KLHL4: variants seen among roughly 807,000 people sequenced by gnomAD.
The protein encoded by KLHL4 is kelch-like protein 4.
In KLHL4, 17 loss-of-function variants were observed where a neutral mutation model predicts 45.8. That is an observed-to-expected ratio of 0.37 (90% confidence interval 0.25 to 0.56). KLHL4 has a LOEUF of 0.56. KLHL4 is among the 20% of genes least tolerant of loss of function. The pLI is 0.79. For synonymous variants in KLHL4, 224 were observed against 189.9 expected (o/e 1.18, Z -1.47); for missense variants, 544 against 544.9 (o/e 1.00, Z 0.02).
chrX:87,615,668 T>C (rs913457366), intron 3 of KLHL4, among the ~76,000 whole-genome samples: 1 of 111,404 alleles, frequency 9.0e-6, no homozygotes, highest in African/African-American at 3.2e-5. Context: ...GAAGTAGTAA[T>C]AGATACTACA....
intron 1 of KLHL4, among the ~76,000 whole-genome samples, chrX:87,592,339 T>C (rs1014162796): frequency 8.9e-6 from 1 of 111,946 alleles, no homozygotes; most frequent in African/African-American, 3.2e-5. Context: ...CAGATATCTC[T>C]TCGATGTACT....
intron 9 of KLHL4, among the ~76,000 whole-genome samples, chrX:87,645,109 A>G (rs962929602): frequency 2.7e-5 from 3 of 112,176 alleles, no homozygotes; most frequent in Non-Finnish European, 5.6e-5. Flanking sequence ...CAGAGTAAAC[A>G]GACAACCCAC....
chrX:87,543,067 C>G (rs1392327766), intron 1 of KLHL4, among the ~76,000 whole-genome samples: 1 of 111,054 alleles, frequency 9.0e-6, no homozygotes. Context: ...CATTCTCTCT[C>G]TCTCCTGCTG....
At chrX:87,520,166 C>T (rs1930972859) in intron 1 of KLHL4, among the ~76,000 whole-genome samples, 1 of 112,029 alleles carries the variant, frequency 8.9e-6, no homozygotes, top group South Asian at 3.7e-4. Context: ...TGGTTTATTA[C>T]CTTCTCCTTA....
At chrX:87,529,075 A>G (rs1398460165) in intron 1 of KLHL4, among the ~76,000 whole-genome samples, 1 of 108,916 alleles carries the variant, frequency 9.2e-6, no homozygotes, top group African/African-American at 3.3e-5. Flanking sequence ...AAAAAAAAAA[A>G]CCATTGTCTT....
At chrX:87,577,237 C>T (rs931239856) in intron 1 of KLHL4, among the ~76,000 whole-genome samples, 3 of 111,632 alleles carry the variant, frequency 2.7e-5, no homozygotes, top group African/African-American at 9.8e-5. Flanking sequence ...GGAGCATACA[C>T]GCCGGTGGCA....
chrX:87,526,940 C>G (rs752603788), intron 1 of KLHL4, among the ~76,000 whole-genome samples: 2 of 111,645 alleles, frequency 1.8e-5, no homozygotes, highest in East Asian at 2.8e-4. Flanking sequence ...GTTCCATTCA[C>G]TTTCCTCAGG....
intron 1 of KLHL4, among the ~76,000 whole-genome samples, chrX:87,519,088 T>C (rs1157250625): frequency 1.8e-5 from 2 of 111,991 alleles, no homozygotes; most frequent in Non-Finnish European, 3.8e-5. Context: ...TTACATTCTG[T>C]TCTCTAATAC....
intron 4 of KLHL4, among the ~76,000 whole-genome samples, chrX:87,620,971 C>G (rs1426192127): frequency 8.9e-6 from 1 of 112,583 alleles, no homozygotes; most frequent in Non-Finnish European, 1.9e-5. Flanking sequence ...ACAGTAAGAA[C>G]AGCAGTTCTC....
chrX:87,637,545 A>G (rs1369191640), intron 9 of KLHL4, among the ~76,000 whole-genome samples: 4 of 111,924 alleles, frequency 3.6e-5, no homozygotes, highest in African/African-American at 1.3e-4. Flanking sequence ...TCAAGGAGGT[A>G]CGGGAGAATG....
intron 1 of KLHL4, among the ~76,000 whole-genome samples, chrX:87,605,148 C>T (rs1922150300): frequency 9.0e-6 from 1 of 111,551 alleles, no homozygotes; most frequent in South Asian, 3.7e-4. Flanking sequence ...CAATATCATA[C>T]TTTGTTGATT....
chrX:87,600,356 C>T (rs776102916), intron 1 of KLHL4, among the ~76,000 whole-genome samples: 59 of 110,585 alleles, frequency 5.3e-4, no homozygotes, highest in African/African-American at 1.9e-3. Flanking sequence ...TGGTGGCGGG[C>T]ACCTGTAGTC....
At chrX:87,602,051 A>G (rs1207442873) in intron 1 of KLHL4, among the ~76,000 whole-genome samples, 4 of 111,284 alleles carry the variant, frequency 3.6e-5, no homozygotes, top group Non-Finnish European at 7.5e-5. Flanking sequence ...TAAAATTAAA[A>G]ATTATTAAAA....
chrX:87,641,893 C>T (rs1362216137), intron 9 of KLHL4, among the ~76,000 whole-genome samples: 1 of 110,187 alleles, frequency 9.1e-6, no homozygotes, highest in Non-Finnish European at 1.9e-5. Context: ...CAAGACCCAC[C>T]CAAGGAATGT....
At chrX:87,652,410 T>C (rs1302491330) in intron 9 of KLHL4, among the ~76,000 whole-genome samples, 2 of 112,608 alleles carry the variant, frequency 1.8e-5, no homozygotes, top group Admixed American at 9.4e-5. Context: ...TTTTATGCTC[T>C]GCTTCCCTTA....
At chrX:87,601,794 G>C (rs779916990) in intron 1 of KLHL4, among the ~76,000 whole-genome samples, 1 of 111,376 alleles carries the variant, frequency 9.0e-6, no homozygotes, top group African/African-American at 3.3e-5. Flanking sequence ...TTTCATAGCA[G>C]TTCATATGCT....
intron 3 of KLHL4, among the ~76,000 whole-genome samples, chrX:87,616,984 T>C (rs752605821): frequency 8.9e-6 from 1 of 111,741 alleles, no homozygotes; most frequent in African/African-American, 3.2e-5. Flanking sequence ...AGGGAAAACT[T>C]TAGGGGAATA....
intron 9 of KLHL4, among the ~76,000 whole-genome samples, chrX:87,653,388 C>T (rs575799351): frequency 1.8e-5 from 2 of 111,854 alleles, no homozygotes; most frequent in Admixed American, 1.9e-4. Flanking sequence ...AGCTCAACAT[C>T]ACTTATCGTT....
intron 6 of KLHL4, among the ~76,000 whole-genome samples, chrX:87,629,257 G>GA (rs1441115752): frequency 2.7e-5 from 3 of 111,261 alleles, no homozygotes; most frequent in African/African-American, 9.8e-5. Context: ...TATTCATACA[G>GA]AAAAATTTTA....
Sources: allele counts gnomAD v4.1 joint callset (sites outside exome capture counted in the v4.1 genomes callset), GRCh38; gene constraint gnomAD v4.1.1; transcripts MANE v1.5; gene names NCBI Gene and HGNC (gene_info 2026-07-23, HGNC 2026-07-21).